Variants in ZNF804B observed in about 807,000 individuals in gnomAD.
ZNF804B encodes zinc finger 804B.
In ZNF804B, 80 loss-of-function variants were observed where a neutral mutation model predicts 101.4. The observed-to-expected ratio is 0.79, with a 90% CI of 0.66 to 0.95. The LOEUF (loss-of-function observed/expected upper bound fraction) is 0.95. Among genes scored for constraint, ZNF804B ranks in the 40% least tolerant of loss-of-function variants. ZNF804B has a pLI of 0.00. For synonymous variants in ZNF804B, 622 were observed against 558.8 expected, an observed-to-expected ratio of 1.11 and a Z score of -1.59; for missense variants, 1,673 against 1,561.9, an observed-to-expected ratio of 1.07 and a Z score of -1.20.
At chr7:88,869,987 A>G (rs972812890) in intron 1 of ZNF804B, among the ~76,000 whole-genome samples, 1 of 152,164 alleles carries the variant, frequency 6.6e-6, no homozygotes, top group Non-Finnish European at 1.5e-5. Context: ...GAAATATACA[A>G]TTATAAAATA....
intron 1 of ZNF804B, among the ~76,000 whole-genome samples, chr7:88,918,171 A>C (rs1792662936): frequency 1.3e-5 from 2 of 152,126 alleles, no homozygotes; most frequent in South Asian, 4.2e-4. Context: ...TGTGGTACCA[A>C]AAGGACTAGA....
At chr7:88,773,445 A>C (rs550217195) in intron 1 of ZNF804B, among the ~76,000 whole-genome samples, 1 of 152,190 alleles carries the variant, frequency 6.6e-6, no homozygotes, top group Non-Finnish European at 1.5e-5. Context: ...TACATTCAAC[A>C]AGTATTTTTT....
intron 1 of ZNF804B, among the ~76,000 whole-genome samples, chr7:89,210,672 A>T (rs1788789370): frequency 6.6e-6 from 1 of 152,190 alleles, no homozygotes; most frequent in Non-Finnish European, 1.5e-5. Flanking sequence ...AAAGGACATG[A>T]TCTCATTCAT....
intron 2 of ZNF804B, among the ~76,000 whole-genome samples, chr7:89,268,678 C>T (rs79766248): frequency 0.025 from 3,402 of 138,132 alleles, 82 homozygotes; most frequent in East Asian, 0.11. Context: ...GGTGTGAGTA[C>T]CTGGCTTTAA....
At chr7:89,202,961 G>A (rs1353016904) in intron 1 of ZNF804B, among the ~76,000 whole-genome samples, 3 of 152,066 alleles carry the variant, frequency 2.0e-5, no homozygotes, top group Middle Eastern at 6.8e-3. Flanking sequence ...TATTCTAGAC[G>A]TATTGTAGCT....
At chr7:89,279,312 C>A (rs1453163494) in intron 2 of ZNF804B, among the ~76,000 whole-genome samples, 1 of 151,842 alleles carries the variant, frequency 6.6e-6, no homozygotes, top group Non-Finnish European at 1.5e-5. Flanking sequence ...GACAATTTGA[C>A]TTCCTCTTTT....
intron 1 of ZNF804B, among the ~76,000 whole-genome samples, chr7:89,165,187 G>A (rs923283858): frequency 6.6e-6 from 1 of 152,064 alleles, no homozygotes; most frequent in Non-Finnish European, 1.5e-5. Context: ...GACTTTTGTA[G>A]TGCTTTTCTG....
chr7:89,242,064 A>T (rs531796190), intron 2 of ZNF804B, among the ~76,000 whole-genome samples: 1 of 151,970 alleles, frequency 6.6e-6, no homozygotes, highest in African/African-American at 2.4e-5. Flanking sequence ...CTAAGTTGCC[A>T]TAGCTTTTAA....
At chr7:89,107,577 C>G (rs142070544) in intron 1 of ZNF804B, among the ~76,000 whole-genome samples, 2 of 152,016 alleles carry the variant, frequency 1.3e-5, no homozygotes, top group Non-Finnish European at 2.9e-5. Flanking sequence ...AACTCATTAG[C>G]GGATACATGT....
intron 1 of ZNF804B, among the ~76,000 whole-genome samples, chr7:89,027,181 A>G (rs1389213613): frequency 1.3e-5 from 2 of 152,146 alleles, no homozygotes; most frequent in Non-Finnish European, 2.9e-5. Context: ...TAAAAAGCAA[A>G]TCATTTTTTA....
chr7:88,809,331 CT>C (rs1562799769), intron 1 of ZNF804B, among the ~76,000 whole-genome samples: 2 of 150,994 alleles, frequency 1.3e-5, no homozygotes, highest in South Asian at 4.2e-4. Flanking sequence ...ATCTATCTAT[CT>C]ATCTATCTAT....
At chr7:89,122,328 C>G (rs1790419203) in intron 1 of ZNF804B, among the ~76,000 whole-genome samples, 2 of 152,188 alleles carry the variant, frequency 1.3e-5, no homozygotes, top group South Asian at 4.1e-4. Flanking sequence ...TATATGACCT[C>G]ATAGATACAG....
intron 1 of ZNF804B, among the ~76,000 whole-genome samples, chr7:89,175,688 T>A (rs918350902): frequency 2.0e-5 from 3 of 152,096 alleles, no homozygotes; most frequent in Admixed American, 6.5e-5. Context: ...ATATTAACTC[T>A]TCCAATCCAT....
intron 1 of ZNF804B, among the ~76,000 whole-genome samples, chr7:88,861,278 A>G (rs575493189): frequency 1.1e-3 from 161 of 152,314 alleles, no homozygotes; most frequent in Non-Finnish European, 5.6e-4. Flanking sequence ...GCATTATTAA[A>G]TGTTTTCACC....
At chr7:89,085,956 A>AT (rs1215827037) in intron 1 of ZNF804B, among the ~76,000 whole-genome samples, 2 of 151,710 alleles carry the variant, frequency 1.3e-5, no homozygotes, top group Non-Finnish European at 2.9e-5. Flanking sequence ...TTTCCAACCC[A>AT]TTTTTTCTCT....
intron 1 of ZNF804B, among the ~76,000 whole-genome samples, chr7:89,012,278 G>A (rs1400559642): frequency 2.0e-5 from 3 of 152,026 alleles, no homozygotes; most frequent in Non-Finnish European, 4.4e-5. Context: ...CCTGTGATAG[G>A]AGGGGCTGCC....
intron 1 of ZNF804B, among the ~76,000 whole-genome samples, chr7:89,176,513 G>T (rs1360580120): frequency 2.0e-5 from 3 of 147,038 alleles, no homozygotes; most frequent in Non-Finnish European, 4.5e-5. Flanking sequence ...TTTTTTTGAG[G>T]ATTTTTGCAT....
chr7:89,193,513 C>T, intron 1 of ZNF804B, among the ~76,000 whole-genome samples: 1 of 141,682 alleles, frequency 7.1e-6, no homozygotes, highest in Non-Finnish European at 1.5e-5. Flanking sequence ...CTTCATGTGT[C>T]CATTTGTTCT....
intron 2 of ZNF804B, among the ~76,000 whole-genome samples, chr7:89,228,842 G>C (rs1789138983): frequency 6.6e-6 from 1 of 152,164 alleles, no homozygotes; most frequent in Non-Finnish European, 1.5e-5. Context: ...GGAGGCTCCG[G>C]CGGCACAGGG....
Sources: allele counts gnomAD v4.1 joint callset (sites outside exome capture counted in the v4.1 genomes callset), GRCh38; gene constraint gnomAD v4.1.1; transcripts MANE v1.5; gene names NCBI Gene and HGNC (gene_info 2026-07-23, HGNC 2026-07-21).